GALNT13: variants seen among roughly 807,000 people sequenced by gnomAD.
The protein encoded by GALNT13 is UDP-GalNAc:polypeptide N-acetylgalactosaminyltransferase 13.
In GALNT13, 28 loss-of-function variants were observed where a neutral mutation model predicts 64.2. The ratio of observed to expected loss-of-function variants is 0.44; its 90% CI spans 0.32 to 0.60. The LOEUF (loss-of-function observed/expected upper bound fraction) is 0.60, where lower values mean the gene tolerates loss of function less well. Ranked by LOEUF, GALNT13 falls within the 20% of genes least tolerant of loss-of-function variation. The pLI, the probability that GALNT13 is intolerant of heterozygous loss-of-function variation, is 0.05. For synonymous variants in GALNT13, 214 were observed against 224.6 expected (o/e 0.95, Z 0.42); for missense variants, 577 against 669.8 (o/e 0.86, Z 1.53).
At chr2:153,237,934 A>G in the GALNT13 span, among the ~76,000 whole-genome samples, 70 of 152,154 alleles carry the variant, frequency 4.6e-4, no homozygotes, top group African/African-American at 1.7e-3. Flanking sequence ...GATTGTACTA[A>G]TTTACATGCC....
chr2:154,429,174 C>T (rs1700603218), intron 11 of GALNT13, among the ~76,000 whole-genome samples: 1 of 152,100 alleles, frequency 6.6e-6, no homozygotes, highest in African/African-American at 2.4e-5. Flanking sequence ...AGGAAAGTCA[C>T]ATGTTTCTCA....
chr2:154,303,863 T>G (rs1693586506), intron 9 of GALNT13, among the ~76,000 whole-genome samples: 1 of 151,912 alleles, frequency 6.6e-6, no homozygotes, highest in South Asian at 2.1e-4. Context: ...GTTCAAGGGA[T>G]TCTCCTGCCT....
intron 9 of GALNT13, among the ~76,000 whole-genome samples, chr2:154,317,209 C>CA (rs10711591): frequency 0.25 from 26,265 of 103,094 alleles, 2,879 homozygotes; most frequent in Middle Eastern, 0.46. Context: ...CGAGACATCT[C>CA]AAAAAAAAAA....
the GALNT13 span, among the ~76,000 whole-genome samples, chr2:153,456,010 G>C: frequency 6.6e-6 from 1 of 152,104 alleles, no homozygotes; most frequent in Admixed American, 6.5e-5. Flanking sequence ...ATTCTTCTCC[G>C]GTTACATCAT....
At chr2:154,215,165 G>A (rs1213134719) in intron 4 of GALNT13, among the ~76,000 whole-genome samples, 1 of 152,116 alleles carries the variant, frequency 6.6e-6, no homozygotes, top group Non-Finnish European at 1.5e-5. Context: ...TGTGTACAGA[G>A]CTCTCACTCT....
chr2:154,447,577 T>A (rs1220026176), intron 12 of GALNT13, among the ~76,000 whole-genome samples: 1 of 151,930 alleles, frequency 6.6e-6, no homozygotes, highest in East Asian at 1.9e-4. Flanking sequence ...GACCTTACAA[T>A]GAGAACACAA....
chr2:153,965,841 T>A (rs1236398321), intron 3 of GALNT13, among the ~76,000 whole-genome samples: 2 of 151,796 alleles, frequency 1.3e-5, no homozygotes. Flanking sequence ...ACATTTTCAT[T>A]CCATCCCCCT....
chr2:154,110,921 A>G (rs969945068), intron 3 of GALNT13, among the ~76,000 whole-genome samples: 10 of 152,188 alleles, frequency 6.6e-5, no homozygotes, highest in Non-Finnish European at 1.3e-4. Flanking sequence ...AAATGCATCA[A>G]TCCGGAACCC....
the GALNT13 span, chr2:153,592,870 G>A: frequency 6.6e-6 from 1 of 152,328 alleles, no homozygotes; most frequent in East Asian, 1.9e-4. Flanking sequence ...CTTGAGATGA[G>A]TCAATTTAGA....
the GALNT13 span, among the ~76,000 whole-genome samples, chr2:153,682,064 T>A: frequency 6.6e-6 from 1 of 151,730 alleles, no homozygotes; most frequent in Non-Finnish European, 1.5e-5. Context: ...TTCAATGTCG[T>A]GGCATATACT....
chr2:154,443,521 A>G (rs1701410756), intron 12 of GALNT13, among the ~76,000 whole-genome samples: 1 of 151,974 alleles, frequency 6.6e-6, no homozygotes, highest in Admixed American at 6.6e-5. Flanking sequence ...TTTTATTTTA[A>G]TCTTTTACTA....
chr2:154,386,891 A>G (rs1403130984), intron 9 of GALNT13, among the ~76,000 whole-genome samples: 3 of 152,128 alleles, frequency 2.0e-5, no homozygotes, highest in African/African-American at 7.2e-5. Flanking sequence ...CTCAGCCTCA[A>G]GACCTGCTGT....
intron 9 of GALNT13, among the ~76,000 whole-genome samples, chr2:154,317,796 T>C (rs1039586168): frequency 6.6e-6 from 1 of 152,046 alleles, no homozygotes; most frequent in African/African-American, 2.4e-5. Flanking sequence ...TCATTCTACT[T>C]ATAAGGCATT....
chr2:153,802,504 AAG>A, the GALNT13 span, among the ~76,000 whole-genome samples: 1 of 152,138 alleles, frequency 6.6e-6, no homozygotes, highest in Non-Finnish European at 1.5e-5. Flanking sequence ...AGTAGAGAAA[AAG>A]AGTTCTATAT....
intron 2 of GALNT13, among the ~76,000 whole-genome samples, chr2:153,932,214 T>C (rs1303857186): frequency 6.6e-6 from 1 of 152,076 alleles, no homozygotes; most frequent in African/African-American, 2.4e-5. Flanking sequence ...TTATTAATCT[T>C]ATTTATTTTT....
At chr2:153,169,069 A>G in the GALNT13 span, among the ~76,000 whole-genome samples, 8 of 152,174 alleles carry the variant, frequency 5.3e-5, no homozygotes, top group African/African-American at 1.9e-4. Context: ...TTTGCTTCAG[A>G]TGCAGTCACT....
chr2:153,836,498 T>C, the GALNT13 span, among the ~76,000 whole-genome samples: 1 of 151,470 alleles, frequency 6.6e-6, no homozygotes, highest in East Asian at 1.9e-4. Context: ...CTGGCAACCA[T>C]TGTTCTTTTT....
the GALNT13 span, among the ~76,000 whole-genome samples, chr2:153,242,147 T>C: frequency 5.3e-5 from 8 of 152,180 alleles, no homozygotes; most frequent in Admixed American, 6.5e-5. Flanking sequence ...GGAAAAGCAA[T>C]AGAAACTGCT....
chr2:153,435,423 A>G, the GALNT13 span, among the ~76,000 whole-genome samples: 45 of 152,172 alleles, frequency 3.0e-4, 1 homozygote, highest in Non-Finnish European at 2.2e-4. Context: ...CTTGGGCAGT[A>G]TGGCCATTTT....
Sources: allele counts gnomAD v4.1 joint callset (sites outside exome capture counted in the v4.1 genomes callset), GRCh38; gene constraint gnomAD v4.1.1; transcripts MANE v1.5; gene names NCBI Gene and HGNC (gene_info 2026-07-23, HGNC 2026-07-21).